Variants in ANKRD11 observed in about 807,000 individuals in gnomAD.
ANKRD11 encodes the protein ankyrin repeat domain-containing protein 11.
In ANKRD11, 17 loss-of-function variants were observed where a neutral mutation model predicts 195.7. The observed-to-expected ratio is 0.09, with a 90% CI of 0.06 to 0.13. The LOEUF (loss-of-function observed/expected upper bound fraction) is 0.13. Among genes scored for constraint, ANKRD11 ranks in the 10% least tolerant of loss-of-function variants. The pLI is 1.00. For synonymous variants in ANKRD11, 1,953 were observed against 1,528.1 expected, an observed-to-expected ratio of 1.28 and a Z score of -6.49; for missense variants, 3,735 against 3,566.1, an observed-to-expected ratio of 1.05 and a Z score of -1.21.
At chr16:89,410,361 T>C (rs1015597155) in intron 2 of ANKRD11, among the ~76,000 whole-genome samples, 1 of 152,198 alleles carries the variant, frequency 6.6e-6, no homozygotes, top group African/African-American at 2.4e-5. Context: ...CAAGAATAAA[T>C]TTTAAACAAA....
intron 2 of ANKRD11, among the ~76,000 whole-genome samples, chr16:89,334,374 A>T (rs373925699): frequency 6.6e-6 from 1 of 151,558 alleles, no homozygotes; most frequent in Non-Finnish European, 1.5e-5. Flanking sequence ...AACAGAAACA[A>T]CCTCCTCTCA....
At chr16:89,289,104 G>C (rs2151786421) in intron 6 of ANKRD11, 1 of 267,908 alleles carries the variant, frequency 3.7e-6, no homozygotes, top group East Asian at 1.0e-4. Flanking sequence ...GCTACAGCAG[G>C]AGCTCCAGGG....
intron 1 of ANKRD11, among the ~76,000 whole-genome samples, chr16:89,465,970 A>G (rs1019132618): frequency 2.0e-5 from 3 of 152,044 alleles, no homozygotes; most frequent in Non-Finnish European, 4.4e-5. Flanking sequence ...TCGGCCTCCC[A>G]AAGTGCTGGA....
chr16:89,271,238 CT>C (rs11329471), intron 11 of ANKRD11: 162,823 of 302,402 alleles, frequency 0.54, 30,807 homozygotes, highest in African/African-American at 0.6. Flanking sequence ...CTGGGAGAGA[CT>C]TTTTTTTTTT....
rs1178419109 is a variant in ANKRD11, at chr16:89,300,726, G to T, written c.226+4480C>A. 5 of 542,936 alleles carry T rather than the reference G, an allele frequency of 9.2e-6. No homozygotes were observed. The African/African-American group carries it at 9.8e-5, about 11-fold the overall frequency. The allele number at this position is 542,936 out of a possible 1,614,324, so 33.6% of individuals were successfully genotyped here. ...ACATGACGTCAGGAAAAGACTGAAG[G>T]TGCCAAGCACCTAACGCTGAAGGAA... On this transcript the variant is annotated intron_variant, in intron 4 of 12. Coordinates refer to ENST00000301030, the MANE Select transcript of ANKRD11 (RefSeq NM_013275.6).
intron 2 of ANKRD11, among the ~76,000 whole-genome samples, chr16:89,397,886 C>A (rs534313330): frequency 6.6e-6 from 1 of 152,252 alleles, no homozygotes; most frequent in South Asian, 2.1e-4. Context: ...GGGCATGGGA[C>A]TCTCCATCCC....
intron 4 of ANKRD11, among the ~76,000 whole-genome samples, chr16:89,302,438 C>T (rs879791117): frequency 5.3e-5 from 8 of 152,032 alleles, no homozygotes; most frequent in Non-Finnish European, 4.4e-5. Flanking sequence ...TTTTTAGTAG[C>T]GACAGGGTTT....
At chr16:89,370,315 T>C (rs2040138945) in intron 2 of ANKRD11, among the ~76,000 whole-genome samples, 1 of 152,148 alleles carries the variant, frequency 6.6e-6, no homozygotes, top group South Asian at 2.1e-4. Context: ...AAGATGTTTC[T>C]GGAAGGAGCT....
chr16:89,270,717 C>T (rs1053181710), intron 12 of ANKRD11, 100 bp downstream of exon 12: 20 of 1,165,288 alleles, frequency 1.7e-5, no homozygotes, highest in South Asian at 2.6e-5. Context: ...AACTGGGCAG[C>T]GGCCTCCCCC....
At chr16:89,307,674 G>A (rs927163793) in intron 3 of ANKRD11, among the ~76,000 whole-genome samples, 5 of 152,310 alleles carry the variant, frequency 3.3e-5, no homozygotes, top group African/African-American at 9.6e-5. Context: ...CTCCCCCGCC[G>A]CCTGGCTGCA....
intron 2 of ANKRD11, among the ~76,000 whole-genome samples, chr16:89,397,358 C>A (rs961602280): frequency 9.9e-5 from 15 of 152,256 alleles, no homozygotes; most frequent in Non-Finnish European, 1.6e-4. Context: ...ACTGGATGCG[C>A]ATTTACAAAA....
rs749777331 is a variant in ANKRD11, at chr16:89,274,859, C to T, written c.7668G>A (p.Thr2556=). The change falls in exon 11 of 13, where the codon ACG becomes ACA. Residue 2556 remains threonine (T), a synonymous_variant. Transcript: ENST00000301030. ...TGTAGACCTCGGAGTCCAGCAGCAT[C>T]GTGCAGGCGCTGAATGGCACTGCCT... ...ANQAVPFSAC[T]MLLDSEVYNM... The T allele has an allele frequency of 5.0e-5, 81 of 1,612,906 alleles. No individual in the cohort carries two copies. Among genetic ancestry groups the T allele is most frequent in the Non-Finnish European group, 6.0e-5 (71 of 1,179,902 alleles).
chr16:89,371,515 C>T (rs2040192149), intron 2 of ANKRD11, among the ~76,000 whole-genome samples: 2 of 152,130 alleles, frequency 1.3e-5, no homozygotes, highest in African/African-American at 2.4e-5. Flanking sequence ...AGTCTGTGCA[C>T]CACCCACAGA....
At chr16:89,295,091 G>T (rs950670279) in intron 4 of ANKRD11, among the ~76,000 whole-genome samples, 2 of 152,350 alleles carry the variant, frequency 1.3e-5, no homozygotes, top group Middle Eastern at 3.4e-3. Flanking sequence ...TAGGGACTAA[G>T]TGCGGCTACA....
chr16:89,419,023 T>C (rs1009451823), intron 1 of ANKRD11, among the ~76,000 whole-genome samples: 4 of 152,128 alleles, frequency 2.6e-5, no homozygotes, highest in African/African-American at 9.7e-5. Flanking sequence ...TGCCCAGCCT[T>C]AAAAGGCTAA....
At chr16:89,323,077 C>A (rs2037434432) in intron 2 of ANKRD11, 1 of 308,416 alleles carries the variant, frequency 3.2e-6, no homozygotes, top group Non-Finnish European at 6.4e-6. Context: ...GGATGCTTTA[C>A]GGCAACCCCT....
chr16:89,280,683 G>A lies in ANKRD11; in HGVS notation c.5859C>T (p.Pro1953=), dbSNP rs751194157. ...GGCTAGAGGCAAGCGCCTGCTCGGA[G>A]GGGTGGGCCCACTCAACGGGCTCCT... The part of the protein sequence containing the change: ...ITEEPVEWAH[P]SEQALASSLI... The change falls in exon 9 of 13, where the codon CCC becomes CCT. Residue 1953 remains proline (P), a synonymous_variant. Coordinates refer to ENST00000301030, the MANE Select transcript of ANKRD11 (RefSeq NM_013275.6). The A allele has an allele frequency of 1.3e-5, 21 of 1,613,290 alleles. No homozygotes were observed. The highest frequency in any genetic ancestry group is 8.9e-5 in the East Asian group (4 of 44,880).
chr16:89,291,008 C>G lies in ANKRD11; in HGVS notation c.397+5G>C. The G allele has an allele frequency of 6.2e-7, 1 of 1,610,944 alleles. No homozygotes were observed. Among genetic ancestry groups the G allele is most frequent in the Non-Finnish European group, 8.5e-7 (1 of 1,179,788 alleles). On this transcript the variant is annotated splice_donor_5th_base_variant and intron_variant, in intron 5 of 12. Transcript: ENST00000301030. This position sits in a 1 kb window ranked among gnomAD's most constrained non-coding sequence, Gnocchi z 5.3. ...CGCCAGGGACCACCCACAGGCCGGG[C>G]TCACCTGGGCTGTTGGCAGACTCCT...
intron 1 of ANKRD11, among the ~76,000 whole-genome samples, chr16:89,429,078 T>C (rs938348827): frequency 1.7e-4 from 26 of 151,900 alleles, no homozygotes; most frequent in African/African-American, 6.3e-4. Context: ...GCAACGTCCC[T>C]GCAGCGTGGG....
Sources: gnomAD v4.1 joint callset for allele counts (sites outside exome capture counted in the v4.1 genomes callset) on GRCh38, gnomAD v4.1.1 for gene constraint, Gnocchi (gnomAD v3.1) non-coding constraint, MANE v1.5 for transcripts, NCBI Gene and HGNC (gene_info 2026-07-23, HGNC 2026-07-21) for gene names.